SENP7: variants seen among roughly 807,000 people sequenced by gnomAD.
SENP7 encodes the protein sentrin-specific protease 7.
In SENP7, 64 loss-of-function variants were observed where a neutral mutation model predicts 141.2. The ratio of observed to expected loss-of-function variants is 0.45; its 90% CI spans 0.37 to 0.56. SENP7 has a LOEUF of 0.56. Ranked by LOEUF, SENP7 falls within the 20% of genes least tolerant of loss-of-function variation. SENP7 has a pLI of 0.00. For synonymous variants in SENP7, 382 were observed against 426.4 expected (o/e 0.90, Z 1.28); for missense variants, 1,025 against 1,212.2 (o/e 0.85, Z 2.29).
chr3:101,423,577 G>T (rs753653807), intron 4 of SENP7, among the ~76,000 whole-genome samples: 9 of 152,070 alleles, frequency 5.9e-5, no homozygotes, highest in African/African-American at 2.2e-4. Flanking sequence ...ATGAAAACAG[G>T]CTCCCAACAC....
chr3:101,446,169 T>A (rs1202149317), intron 4 of SENP7, among the ~76,000 whole-genome samples: 1 of 152,206 alleles, frequency 6.6e-6, no homozygotes, highest in East Asian at 1.9e-4. Flanking sequence ...GCTCCAGCCA[T>A]GTACAATGCA....
At chr3:101,445,921 C>T (rs890390733) in intron 4 of SENP7, among the ~76,000 whole-genome samples, 1 of 152,096 alleles carries the variant, frequency 6.6e-6, no homozygotes, top group Admixed American at 6.6e-5. Context: ...AGAAAACAGA[C>T]CTCAATACAA....
intron 3 of SENP7, among the ~76,000 whole-genome samples, chr3:101,461,073 C>T (rs928601385): frequency 6.6e-6 from 1 of 151,734 alleles, no homozygotes; most frequent in Non-Finnish European, 1.5e-5. Context: ...ACAAAAAGCA[C>T]ATTAGAAGAC....
At chr3:101,326,950 T>C (rs1327050148) in intron 23 of SENP7, among the ~76,000 whole-genome samples, 1 of 152,114 alleles carries the variant, frequency 6.6e-6, no homozygotes, top group Admixed American at 6.6e-5. Flanking sequence ...CTACTGTATC[T>C]AGTCCTCTAT....
In SENP7 at chr3:101,513,081, C is replaced by T. The variant is rs767476399; in HGVS notation, c.40+10G>A. On this transcript the variant is annotated intron_variant, in intron 1 of 23. Transcript: ENST00000394095. ...ACAATATGTTCAGCCCTTCTCTGAC[C>T]CTTTCTCACCGGATGAAGATGGCCG... 7 of 1,613,588 alleles carry T rather than the reference C, an allele frequency of 4.3e-6. No individual in the cohort carries two copies. In the African/African-American group the frequency reaches 8.0e-5, roughly 18 times the overall value.
intron 11 of SENP7, chr3:101,358,131 C>T (rs2059793624): frequency 3.9e-6 from 2 of 512,308 alleles, no homozygotes; most frequent in East Asian, 6.3e-5. Context: ...TTCCTCAAAC[C>T]CTACTAAACA....
intron 6 of SENP7, among the ~76,000 whole-genome samples, chr3:101,378,536 G>A (rs150076580): frequency 1.6e-3 from 242 of 152,084 alleles, no homozygotes; most frequent in African/African-American, 5.4e-3. Flanking sequence ...AAAAAAACCC[G>A]TAACAGAATA....
intron 13 of SENP7, among the ~76,000 whole-genome samples, chr3:101,346,820 G>C (rs533605154): frequency 5.8e-4 from 88 of 152,072 alleles, no homozygotes; most frequent in Admixed American, 8.5e-4. Flanking sequence ...TACTGCTCGG[G>C]TTATGGGTGC....
At chr3:101,459,320 A>ATT (rs2063471018) in intron 3 of SENP7, among the ~76,000 whole-genome samples, 1 of 152,196 alleles carries the variant, frequency 6.6e-6, no homozygotes, top group African/African-American at 2.4e-5. Flanking sequence ...TTAAACAGCT[A>ATT]TTAAAATCTG....
chr3:101,410,696 T>G (rs1019345939), intron 5 of SENP7, among the ~76,000 whole-genome samples: 1 of 151,784 alleles, frequency 6.6e-6, no homozygotes, highest in Non-Finnish European at 1.5e-5. Context: ...AATACAAAGA[T>G]TAGCCGGGCA....
chr3:101,339,413 TG>T (rs1338936161), intron 16 of SENP7, among the ~76,000 whole-genome samples: 2 of 152,202 alleles, frequency 1.3e-5, no homozygotes, highest in Non-Finnish European at 2.9e-5. Flanking sequence ...CCTGCAGCTC[TG>T]GCTATACAAA....
intron 13 of SENP7, 30 bp downstream of exon 13, chr3:101,347,841 TC>T (rs1382905929): frequency 8.9e-7 from 1 of 1,125,604 alleles, no homozygotes; most frequent in Non-Finnish European, 1.2e-6. Flanking sequence ...TTTCAAGTTA[TC>T]CTGAAATTTA....
In SENP7 at chr3:101,468,213, A is replaced by G. The variant is rs140258774; in HGVS notation, c.187-9161T>C. On this transcript the variant is annotated intron_variant, in intron 3 of 23. Coordinates refer to ENST00000394095, the MANE Select transcript of SENP7 (RefSeq NM_020654.5). ...CCAAGAAATATGGGACTATGTGAAA[A>G]GACCAAATCTACATTTGATTGCTGT... Among the ~76,000 whole-genome samples the G allele has an allele frequency of 2.1e-3, 317 of 152,342 alleles. 1 individual carries two copies. The highest frequency in any genetic ancestry group is 7.4e-3 in the African/African-American group (308 of 41,578).
At chr3:101,398,599 T>C (rs2061041151) in intron 6 of SENP7, among the ~76,000 whole-genome samples, 1 of 152,230 alleles carries the variant, frequency 6.6e-6, no homozygotes, top group Admixed American at 6.5e-5. Context: ...ACTGGGATAC[T>C]GAAATAGGTT....
intron 10 of SENP7, among the ~76,000 whole-genome samples, chr3:101,363,972 C>T (rs1023851625): frequency 1.3e-5 from 2 of 152,160 alleles, no homozygotes; most frequent in African/African-American, 4.8e-5. Flanking sequence ...GATCCTAGCA[C>T]TTTGGGAGGT....
chr3:101,376,918 C>G (rs1413856889), intron 6 of SENP7, among the ~76,000 whole-genome samples: 1 of 152,004 alleles, frequency 6.6e-6, no homozygotes, highest in East Asian at 1.9e-4. Flanking sequence ...ACATCCAATA[C>G]TCTAAGGTAA....
chr3:101,407,030 C>T (rs537606084), intron 5 of SENP7, among the ~76,000 whole-genome samples: 14 of 152,212 alleles, frequency 9.2e-5, no homozygotes, highest in Non-Finnish European at 1.3e-4. Flanking sequence ...GAAGAGAATT[C>T]GCCATTACCA....
At position 101,366,783 on chromosome 3, in the gene SENP7, CA is replaced by C. The variant is rs771843170; in HGVS notation, c.979-15del. The C allele has an allele frequency of 6.6e-7, 1 of 1,515,450 alleles. No individual in the cohort carries two copies. Among genetic ancestry groups the C allele is most frequent in the African/African-American group, 1.4e-5 (1 of 71,454 alleles). The allele number at this position is 1,515,450 out of a possible 1,614,324, so 93.9% of individuals were successfully genotyped here. A position where few individuals can be genotyped will look rare whatever the true frequency, so the allele number is the denominator to read the frequency against. ...TTCTTGTTTTTTCTAAACATAAACA[CA>C]TAGAAAAAAATAGCATTTTTCAAAT... On this transcript the variant is annotated splice_polypyrimidine_tract_variant and intron_variant, in intron 8 of 23. Coordinates refer to ENST00000394095, the MANE Select transcript of SENP7 (RefSeq NM_020654.5).
chr3:101,377,496 C>T (rs1029393956), intron 6 of SENP7, among the ~76,000 whole-genome samples: 7 of 152,132 alleles, frequency 4.6e-5, no homozygotes, highest in African/African-American at 1.4e-4. Flanking sequence ...TAAAGGGGGT[C>T]GCACACTTTT....
Sources: gnomAD v4.1 joint callset for allele counts (sites outside exome capture counted in the v4.1 genomes callset) on GRCh38, gnomAD v4.1.1 for gene constraint, MANE v1.5 for transcripts, NCBI Gene and HGNC (gene_info 2026-07-23, HGNC 2026-07-21) for gene names.